The following KLHL9 variants were observed in gnomAD, a reference collection of about 807,000 sequenced individuals.
The protein encoded by KLHL9 is kelch-like protein 9.
KLHL9 carries 27 observed loss-of-function variants against 42.3 expected under a neutral mutation model. The observed-to-expected ratio is 0.64, with a 90% CI of 0.47 to 0.88. KLHL9 has a LOEUF of 0.88. Ranked by LOEUF, KLHL9 falls within the 40% of genes least tolerant of loss-of-function variation. The pLI, the probability that KLHL9 is intolerant of heterozygous loss-of-function variation, is 0.00. For missense variants in KLHL9, 629 were observed against 750.3 expected (o/e 0.84, Z 1.89); for synonymous variants, 274 against 254.4 (o/e 1.08, Z -0.73).
At position 21,332,798 on chromosome 9, in the gene KLHL9, C is replaced by CT. The variant is rs987214195; in HGVS notation, c.*207dup. 8.6e-6 allele frequency: 6 copies of CT among 701,340 alleles called. No homozygotes were observed. Among genetic ancestry groups the CT allele is most frequent in the African/African-American group, 7.2e-5 (4 of 55,676 alleles). The allele number at this position is 701,340 out of a possible 1,614,324, so 43.4% of individuals were successfully genotyped here. On this transcript the variant is annotated 3_prime_UTR_variant, in exon 1 of 1. Coordinates refer to ENST00000359039, the MANE Select transcript of KLHL9 (RefSeq NM_018847.4). ...AAGACATCTAAACATTTTTCTACGT[C>CT]TTTTTTTCATTTGTTAAAACAGCTA...
chr9:21,335,213 C>CCACA lies in KLHL9; in HGVS notation c.-355_-354insTGTG. On this transcript the variant is annotated 5_prime_UTR_variant, in exon 1 of 1. Transcript: ENST00000359039. ...ACGTACTGTGGCTCCACGGCCCGCT[C>CCACA]GGCGGCGGGTCCGGACACCTCAGCG... 2.0e-6 allele frequency: 1 copy of CCACA among 501,302 alleles called. No individual in the cohort carries two copies. The highest frequency in any genetic ancestry group is 3.6e-6 in the Non-Finnish European group (1 of 277,346). The allele number at this position is 501,302 out of a possible 1,614,324, so 31.1% of individuals were successfully genotyped here.
rs1360697446 is a variant in KLHL9 at position 21,334,179 on chromosome 9, G to C, written c.681C>G (p.Asp227Glu). The C allele has an allele frequency of 1.2e-6, 2 of 1,614,052 alleles. No individual in the cohort carries two copies. The highest frequency in any genetic ancestry group is 1.7e-6 in the Non-Finnish European group (2 of 1,180,050). Residue 227 changes from aspartate (D) to glutamate (E), a missense_variant, in exon 1 of 1, where the codon GAC becomes GAG. Asp to Glu is a conservative substitution (Grantham distance 45). Around this residue, in one of 4 missense-constraint regions of KLHL9, gnomAD observed 351 missense variants for 363.1 expected, o/e 0.97. Transcript: ENST00000359039. The surrounding 1 kb of genome is among the most constrained non-coding windows in gnomAD (Gnocchi z 5.1). ...ACTTTGCAGCATAATCCATCCGAGG[G>C]TCTTCCAACCTTAGCCAGCGACAGG... ...KAACRWLRLE[D>E]PRMDYAAKLM...
Position 21,335,217 on chromosome 9 carries a change from G to C in KLHL9, c.-358C>G. On this transcript the variant is annotated 5_prime_UTR_variant, in exon 1 of 1. Coordinates refer to ENST00000359039, the MANE Select transcript of KLHL9 (RefSeq NM_018847.4). Reference sequence around the variant, plus strand: ...ACTGTGGCTCCACGGCCCGCTCGGCGGCGGGTCCGGACACCTCAGCGAACG... The same window carrying C: ...ACTGTGGCTCCACGGCCCGCTCGGCCGCGGGTCCGGACACCTCAGCGAACG... 2.0e-6 allele frequency: 1 copy of C among 509,780 alleles called. No individual in the cohort carries two copies. Among genetic ancestry groups the C allele is most frequent in the Non-Finnish European group, 3.5e-6 (1 of 282,428 alleles). 31.6% of individuals were successfully genotyped at this position (509,780 alleles called of 1,614,324 possible).
chr9:21,334,115 C>A lies in KLHL9; in HGVS notation c.745G>T (p.Asp249Tyr), dbSNP rs772666827. The A allele has an allele frequency of 1.9e-6, 3 of 1,614,110 alleles. No individual in the cohort carries two copies. The highest frequency in any genetic ancestry group is 1.7e-6 in the Non-Finnish European group (2 of 1,180,058). The part of the protein sequence containing the change: ...NIRFPLMTPQ[D>Y]LINYVQTVDF... ...ACTGTCTGCACGTAATTGATGAGAT[C>A]CTGTGGTGTCATCAGTGGAAATCGA... Residue 249 changes from aspartate (D) to tyrosine (Y), a missense_variant, in exon 1 of 1, where the codon GAT (aspartate) becomes TAT (tyrosine). Asp to Tyr is a radical substitution (Grantham distance 160, BLOSUM62 -3). Transcript: ENST00000359039. This position sits in a 1 kb window ranked among gnomAD's most constrained non-coding sequence, Gnocchi z 5.1.
chr9:21,334,114 T>C lies in KLHL9; in HGVS notation c.746A>G (p.Asp249Gly), dbSNP rs771968486. The C allele has an allele frequency of 6.2e-7, 1 of 1,613,990 alleles. No homozygotes were observed. Among genetic ancestry groups the C allele is most frequent in the South Asian group, 1.1e-5 (1 of 91,078 alleles). The change falls in exon 1 of 1, where the codon GAT (aspartate) becomes GGT (glycine). Residue 249 changes from aspartate (D) to glycine (G), a missense_variant. By Grantham distance (94) the Asp-to-Gly change is moderately conservative. Coordinates refer to ENST00000359039, the MANE Select transcript of KLHL9 (RefSeq NM_018847.4). The surrounding 1 kb of genome is among the most constrained non-coding windows in gnomAD (Gnocchi z 5.1). ...NIRFPLMTPQ[D>G]LINYVQTVDF... ...TACTGTCTGCACGTAATTGATGAGA[T>C]CCTGTGGTGTCATCAGTGGAAATCG...
chr9:21,334,023 C>A lies in KLHL9; in HGVS notation c.837G>T (p.Met279Ile), dbSNP rs1390198442. The A allele has an allele frequency of 6.2e-7, 1 of 1,614,190 alleles. No individual in the cohort carries two copies. Among genetic ancestry groups the A allele is most frequent in the Admixed American group, 1.7e-5 (1 of 60,018 alleles). ...LLLEASNYQM[M>I]PYMQPVMQSD... ...ACTGCATCACTGGCTGCATATATGGCATCATTTGGTAATTGCTAGCTTCCA... is the reference window on the plus strand; with the variant it reads ...ACTGCATCACTGGCTGCATATATGGAATCATTTGGTAATTGCTAGCTTCCA... Residue 279 changes from methionine (M) to isoleucine (I), a missense_variant, in exon 1 of 1, where the codon ATG becomes ATT. By Grantham distance (10) the Met-to-Ile change is conservative. This residue lies in a region of KLHL9 where 351 missense variants were observed against 363.1 expected (regional missense o/e 0.97). Transcript: ENST00000359039. The surrounding 1 kb of genome is among the most constrained non-coding windows in gnomAD (Gnocchi z 5.1).
At position 21,335,216 on chromosome 9, in the gene KLHL9, C is replaced by T; in HGVS notation, c.-357G>A. On this transcript the variant is annotated 5_prime_UTR_variant, in exon 1 of 1. Coordinates refer to ENST00000359039, the MANE Select transcript of KLHL9 (RefSeq NM_018847.4). ...TACTGTGGCTCCACGGCCCGCTCGG[C>T]GGCGGGTCCGGACACCTCAGCGAAC... 5.9e-6 allele frequency: 3 copies of T among 505,768 alleles called. No individual in the cohort carries two copies. 31.3% of individuals were successfully genotyped at this position (505,768 alleles called of 1,614,324 possible). A position where few individuals can be genotyped will look rare whatever the true frequency, so the allele number is the denominator to read the frequency against.
rs1365807474 is a variant in KLHL9 at position 21,333,217 on chromosome 9, T to C, written c.1643A>G (p.Tyr548Cys). 6 of 1,613,654 alleles carry C rather than the reference T, an allele frequency of 3.7e-6. No individual in the cohort carries two copies. Among genetic ancestry groups the C allele is most frequent in the East Asian group, 2.2e-5 (1 of 44,878 alleles). The change falls in exon 1 of 1, where the codon TAT becomes TGT. Residue 548 changes from tyrosine (Y) to cysteine (C), a missense_variant. Tyr to Cys is a radical substitution (Grantham distance 194, BLOSUM62 -2). Transcript: ENST00000359039. This position sits in a 1 kb window ranked among gnomAD's most constrained non-coding sequence, Gnocchi z 7.5. ...VGVAVFENKI[Y>C]VVGGYSWNNR... is the part of the protein sequence containing the mutation. The stretch of plus-strand genomic sequence containing the variant: ...ATTCCAAGAATATCCACCAACAACA[T>C]AGATTTTATTTTCAAAGACGGCAAC...
Position 21,333,735 on chromosome 9 carries a change from C to T in KLHL9, c.1125G>A (p.Arg375=), listed in dbSNP as rs1820214407. The T allele has an allele frequency of 1.2e-6, 2 of 1,614,134 alleles. No homozygotes were observed. Among genetic ancestry groups the T allele is most frequent in the South Asian group, 1.1e-5 (1 of 91,084 alleles). The change falls in exon 1 of 1, where the codon CGG becomes CGA. Residue 375 remains arginine, a synonymous_variant. Coordinates refer to ENST00000359039, the MANE Select transcript of KLHL9 (RefSeq NM_018847.4). This position sits in a 1 kb window ranked among gnomAD's most constrained non-coding sequence, Gnocchi z 7.5. ...ATGCAACCTGCATCCATTTATTATA[C>T]CGAGGATCAAATCTGAAAACTGTAT... is the stretch of plus-strand genomic sequence containing the variant. The part of the protein sequence containing the change: ...AVDTVFRFDP[R]YNKWMQVASL...
In KLHL9 at chr9:21,335,385, A is replaced by G. The variant is rs1820255235; in HGVS notation, c.-526T>C. The G allele has an allele frequency of 2.6e-6, 1 of 381,984 alleles. No homozygotes were observed. The highest frequency in any genetic ancestry group is 4.8e-6 in the Non-Finnish European group (1 of 206,770). 23.7% of individuals were successfully genotyped at this position (381,984 alleles called of 1,614,324 possible). On this transcript the variant is annotated 5_prime_UTR_variant, in exon 1 of 1. Coordinates refer to ENST00000359039, the MANE Select transcript of KLHL9 (RefSeq NM_018847.4). ...CAACACCGAGCCGCTCCTTCCGGAA[A>G]AGCCTAGTCCCAGGATACCACGGGG...
rs869312950 is a variant in KLHL9 at position 21,333,897 on chromosome 9, A to T, written c.963T>A (p.Asp321Glu). Residue 321 changes from aspartate (D) to glutamate (E), a missense_variant, in exon 1 of 1, where the codon GAT (aspartate) becomes GAA (glutamate). Around this residue, in one of 4 missense-constraint regions of KLHL9, gnomAD observed 214 missense variants for 305.8 expected, o/e 0.70. Coordinates refer to ENST00000359039, the MANE Select transcript of KLHL9 (RefSeq NM_018847.4). This position sits in a 1 kb window ranked among gnomAD's most constrained non-coding sequence, Gnocchi z 7.5. The stretch of plus-strand genomic sequence containing the variant: ...AAGATCTCCATTCTTGTGCCCTTTC[A>T]TCATACATCCGTAATTCTTTACTGA... ...LVVSKELRMY[D>E]ERAQEWRSLA... The T allele has an allele frequency of 4.3e-6, 7 of 1,613,964 alleles. No homozygotes were observed. In the Admixed American group the frequency reaches 5.0e-5, roughly 12 times the overall value.
Position 21,333,022 on chromosome 9 carries a change from G to A in KLHL9, c.1838C>T (p.Pro613Leu). Residue 613 changes from proline (P) to leucine (L), a missense_variant, in exon 1 of 1, where the codon CCT becomes CTT. Physicochemically the swap from Pro to Leu is moderately conservative, Grantham distance 98. Coordinates refer to ENST00000359039, the MANE Select transcript of KLHL9 (RefSeq NM_018847.4). This position sits in a 1 kb window ranked among gnomAD's most constrained non-coding sequence, Gnocchi z 7.5. ...SPSRESPLSA[P>L]SDHS ...ACCTTAGACCTAAGAATGATCTGAA[G>A]GTGCTGAAAGAGGTGATTCTCTAGA... is the stretch of plus-strand genomic sequence containing the variant. 6.2e-7 allele frequency: 1 copy of A among 1,614,104 alleles called. No homozygotes were observed. The highest frequency in any genetic ancestry group is 8.5e-7 in the Non-Finnish European group (1 of 1,179,980).
rs1222657225 is a variant in KLHL9 at position 21,330,616 on chromosome 9, T to A, written c.*2390A>T. ...AAGCACCAGGTTCAGACATAAGATG[T>A]AATAAAAAGTACTTTTTTTCAATAA... On this transcript the variant is annotated 3_prime_UTR_variant, in exon 1 of 1. Coordinates refer to ENST00000359039, the MANE Select transcript of KLHL9 (RefSeq NM_018847.4). 1 of 152,082 alleles carries A rather than the reference T, an allele frequency of 6.6e-6. No homozygotes were observed. The highest frequency in any genetic ancestry group is 1.5e-5 in the Non-Finnish European group (1 of 68,032). 9.4% of individuals were successfully genotyped at this position (152,082 alleles called of 1,614,324 possible). A position where few individuals can be genotyped will look rare whatever the true frequency, so the allele number is the denominator to read the frequency against.
chr9:21,334,247 T>A lies in KLHL9; in HGVS notation c.613A>T (p.Asn205Tyr). The A allele has an allele frequency of 6.2e-7, 1 of 1,614,178 alleles. No homozygotes were observed. The highest frequency in any genetic ancestry group is 8.5e-7 in the Non-Finnish European group (1 of 1,180,004). Reference sequence around the variant, plus strand: ...AGTTCGGTACAGTGCTTAAGACTATTACTGGAAAGCACAAATGCAAGTCGT... The same window carrying A: ...AGTTCGGTACAGTGCTTAAGACTATAACTGGAAAGCACAAATGCAAGTCGT... The part of the protein sequence containing the change: ...FERLAFVLSS[N>Y]SLKHCTELEL... The change falls in exon 1 of 1, where the codon AAT becomes TAT. Residue 205 changes from asparagine (N) to tyrosine (Y), a missense_variant. By Grantham distance (143) the Asn-to-Tyr change is moderately radical. Transcript: ENST00000359039. The surrounding 1 kb of genome is among the most constrained non-coding windows in gnomAD (Gnocchi z 5.1).
Position 21,334,718 on chromosome 9 carries a change from A to G in KLHL9, c.142T>C (p.Leu48=). 6.2e-7 allele frequency: 1 copy of G among 1,613,662 alleles called. No individual in the cohort carries two copies. The highest frequency in any genetic ancestry group is 1.1e-5 in the South Asian group (1 of 91,050). Reference sequence around the variant, plus strand: ...GGTACCAGGGTCACATCACAAAGCAATCCTTCTATTCTAAGCTGATCAAAG... The same window carrying G: ...GGTACCAGGGTCACATCACAAAGCAGTCCTTCTATTCTAAGCTGATCAAAG... The part of the protein sequence containing the change: ...QGFDQLRIEG[L]LCDVTLVPGD... The change falls in exon 1 of 1, where the codon TTG becomes CTG. Residue 48 remains leucine, a synonymous_variant. Coordinates refer to ENST00000359039, the MANE Select transcript of KLHL9 (RefSeq NM_018847.4). The surrounding 1 kb of genome is among the most constrained non-coding windows in gnomAD (Gnocchi z 5.1).
chr9:21,334,066 G>A lies in KLHL9; in HGVS notation c.794C>T (p.Thr265Ile), dbSNP rs752135096. The change falls in exon 1 of 1, where the codon ACC (threonine) becomes ATC (isoleucine). Residue 265 changes from threonine (T) to isoleucine (I), a missense_variant. Thr to Ile is a moderately conservative substitution (Grantham distance 89). Coordinates refer to ENST00000359039, the MANE Select transcript of KLHL9 (RefSeq NM_018847.4). The surrounding 1 kb of genome is among the most constrained non-coding windows in gnomAD (Gnocchi z 5.1). ...AGCTTCCAAAAGCAAATTCACGCAG[G>A]TATTGTCTGTTCTCATGAAATCTAC... ...QTVDFMRTDN[T>I]CVNLLLEASN... 2 of 1,614,176 alleles carry A rather than the reference G, an allele frequency of 1.2e-6. No individual in the cohort carries two copies. Among genetic ancestry groups the A allele is most frequent in the South Asian group, 2.2e-5 (2 of 91,078 alleles).
At position 21,332,806 on chromosome 9, in the gene KLHL9, C is replaced by A. The variant is rs1820197060; in HGVS notation, c.*200G>T. ...TAAACATTTTTCTACGTCTTTTTTT[C>A]ATTTGTTAAAACAGCTATGTTAAAT... On this transcript the variant is annotated 3_prime_UTR_variant, in exon 1 of 1. Transcript: ENST00000359039. The A allele has an allele frequency of 8.1e-6, 6 of 738,288 alleles. No individual in the cohort carries two copies. The highest frequency in any genetic ancestry group is 1.2e-5 in the Non-Finnish European group (6 of 497,434). The allele number at this position is 738,288 out of a possible 1,614,324, so 45.7% of individuals were successfully genotyped here.
Position 21,333,174 on chromosome 9 carries a change from T to G in KLHL9, c.1686A>C (p.Glu562Asp). The G allele has an allele frequency of 6.2e-7, 1 of 1,614,130 alleles. No individual in the cohort carries two copies. Among genetic ancestry groups the G allele is most frequent in the Non-Finnish European group, 8.5e-7 (1 of 1,180,010 alleles). The stretch of plus-strand genomic sequence containing the variant: ...TTTCTGGGTCATATTTCTGGACAAT[T>G]TCTACCATACAACGATTATTCCAAG... ...GYSWNNRCMV[E>D]IVQKYDPEKD... The change falls in exon 1 of 1, where the codon GAA (glutamate) becomes GAC (aspartate). Residue 562 changes from glutamate to aspartate, a missense_variant. Physicochemically the swap from Glu to Asp is conservative, Grantham distance 45 (BLOSUM62 2). Around this residue, in one of 4 missense-constraint regions of KLHL9, gnomAD observed 61 missense variants for 63.5 expected, o/e 0.96. Transcript: ENST00000359039. The surrounding 1 kb of genome is among the most constrained non-coding windows in gnomAD (Gnocchi z 7.5).
At position 21,332,876 on chromosome 9, in the gene KLHL9, A is replaced by C. The variant is rs530456881; in HGVS notation, c.*130T>G. On this transcript the variant is annotated 3_prime_UTR_variant, in exon 1 of 1. Transcript: ENST00000359039. ...GTTAGCCACTTGATAAACATACTAAAAGCCATACAAGACGAATAACATCAG... is the reference window on the plus strand; with the variant it reads ...GTTAGCCACTTGATAAACATACTAACAGCCATACAAGACGAATAACATCAG... 4.2e-5 allele frequency: 58 copies of C among 1,372,146 alleles called. No individual in the cohort carries two copies. The highest frequency in any genetic ancestry group is 5.4e-5 in the Non-Finnish European group (55 of 1,019,614). 85.0% of individuals were successfully genotyped at this position (1,372,146 alleles called of 1,614,324 possible).
Sources: allele counts gnomAD v4.1 joint callset, GRCh38; gene constraint gnomAD v4.1.1; regional missense constraint gnomAD v4.1.1; non-coding constraint Gnocchi (gnomAD v3.1); transcripts MANE v1.5; gene names NCBI Gene and HGNC (gene_info 2026-07-23, HGNC 2026-07-21).